Variants in PAX2 observed in about 807,000 individuals in gnomAD.
PAX2 encodes the protein paired box protein Pax-2.
In PAX2, 9 loss-of-function variants were observed where a neutral mutation model predicts 41.7. The ratio of observed to expected loss-of-function variants is 0.22; its 90% CI spans 0.13 to 0.38. PAX2 has a LOEUF of 0.38. Ranked by LOEUF, PAX2 falls within the 10% of genes least tolerant of loss-of-function variation. The pLI, the probability that PAX2 is intolerant of heterozygous loss-of-function variation, is 1.00. For missense variants in PAX2, 418 were observed against 531.6 expected (o/e 0.79, Z 2.10); for synonymous variants, 221 against 212.7 (o/e 1.04, Z -0.34).
chr10:100,745,913 G>T lies in PAX2; in HGVS notation c.-348G>T, dbSNP rs1250900770. ...AGGTTCCAGGGGAGCTGAGCGAGTC[G>T]CCTCCCCCGCCCAGCTTCAGCCCTG... On this transcript the variant is annotated 5_prime_UTR_variant, in exon 1 of 10. Coordinates refer to ENST00000355243, the MANE Select transcript of PAX2 (RefSeq NM_000278.5). 3.4e-6 allele frequency: 4 copies of T among 1,177,468 alleles called. No individual in the cohort carries two copies. Among genetic ancestry groups the T allele is most frequent in the Non-Finnish European group, 4.2e-6 (4 of 951,844 alleles). 72.9% of individuals were successfully genotyped at this position (1,177,468 alleles called of 1,614,324 possible). A position where few individuals can be genotyped will look rare whatever the true frequency, so the allele number is the denominator to read the frequency against.
chr10:100,824,309 C>T lies in PAX2; in HGVS notation c.920-339C>T, dbSNP rs1446353960. On this transcript the variant is annotated intron_variant, in intron 7 of 9. Transcript: ENST00000355243. The surrounding 1 kb of genome is among the most constrained non-coding windows in gnomAD (Gnocchi z 6.6). ...TAAAACCAGGTCATCTCCCTCCCAT[C>T]TCCATCTGGGTTTGGAATGCACAGA... Among the ~76,000 whole-genome samples, 1 of 150,726 alleles carries T rather than the reference C, an allele frequency of 6.6e-6. No individual in the cohort carries two copies. Among genetic ancestry groups the T allele is most frequent in the Non-Finnish European group, 1.5e-5 (1 of 67,710 alleles).
chr10:100,738,108 C>T (rs1028179065), intron 1 of PAX2, among the ~76,000 whole-genome samples: 1 of 152,242 alleles, frequency 6.6e-6, no homozygotes, highest in Non-Finnish European at 1.5e-5. Flanking sequence ...GGTCCCCTGC[C>T]TCTGCCTTCT....
intron 7 of PAX2, among the ~76,000 whole-genome samples, chr10:100,813,965 A>C (rs1848093370): frequency 6.6e-6 from 1 of 152,222 alleles, no homozygotes; most frequent in East Asian, 1.9e-4. Context: ...TAGTAGAAGC[A>C]ATAAACAGAA....
intron 7 of PAX2, among the ~76,000 whole-genome samples, chr10:100,815,060 G>A (rs1038018844): frequency 5.3e-5 from 8 of 152,146 alleles, no homozygotes; most frequent in South Asian, 2.1e-4. Context: ...TCAGCAAAGT[G>A]GCCTTTTAGC....
intron 3 of PAX2, among the ~76,000 whole-genome samples, chr10:100,779,214 C>T (rs1050429117): frequency 6.6e-6 from 1 of 152,238 alleles, no homozygotes; most frequent in African/African-American, 2.4e-5. Context: ...TGGGTCTCTG[C>T]CCTGATCTTT....
At chr10:100,816,480 G>A (rs375867567) in intron 7 of PAX2, among the ~76,000 whole-genome samples, 9 of 152,316 alleles carry the variant, frequency 5.9e-5, no homozygotes, top group African/African-American at 1.9e-4. Context: ...TTGAATGACC[G>A]GAAATCCTAA....
chr10:100,792,129 C>T (rs1278892407), intron 5 of PAX2, among the ~76,000 whole-genome samples: 3 of 152,146 alleles, frequency 2.0e-5, no homozygotes, highest in Non-Finnish European at 4.4e-5. Flanking sequence ...AAATAGAGAC[C>T]GTATTTTTTT....
At chr10:100,741,148 G>T (rs1434448403), upstream of PAX2, among the ~76,000 whole-genome samples, 1 of 152,160 alleles carries the variant, frequency 6.6e-6, no homozygotes, top group South Asian at 2.1e-4. Context: ...GGCCCAGCAC[G>T]TGCGCCTGGA....
At position 100,746,285 on chromosome 10, in the gene PAX2, C is replaced by G. The variant is rs1000608445; in HGVS notation, c.25C>G (p.Pro9Ala). Reference protein sequence around the residue: MDMHCKADPFSAMHPGHGG... With the variant: MDMHCKADAFSAMHPGHGG... ...CATGGATATGCACTGCAAAGCAGACCCCTTCTCCGCGATGCACCGTGAGTA... is the reference window on the plus strand; with the variant it reads ...CATGGATATGCACTGCAAAGCAGACGCCTTCTCCGCGATGCACCGTGAGTA... Residue 9 changes from proline to alanine, a missense_variant, in exon 1 of 10, where the codon CCC (proline) becomes GCC (alanine). Pro to Ala is a conservative substitution (Grantham distance 27). This residue lies in a region of PAX2 where 108 missense variants were observed against 206.3 expected (regional missense o/e 0.52). Coordinates refer to ENST00000355243, the MANE Select transcript of PAX2 (RefSeq NM_000278.5). 3 of 1,611,790 alleles carry G rather than the reference C, an allele frequency of 1.9e-6. No homozygotes were observed. The African/African-American group carries it at 4.0e-5, about 22-fold the overall frequency.
At chr10:100,780,581 A>G (rs1846577858) in intron 4 of PAX2, among the ~76,000 whole-genome samples, 1 of 152,208 alleles carries the variant, frequency 6.6e-6, no homozygotes, top group South Asian at 2.1e-4. Context: ...TGATCACCAT[A>G]GAGCGAATGG....
intron 7 of PAX2, among the ~76,000 whole-genome samples, chr10:100,815,348 T>G (rs973822634): frequency 2.0e-5 from 3 of 152,064 alleles, no homozygotes; most frequent in African/African-American, 7.2e-5. Context: ...ACATCATAGT[T>G]CCTCTCCTTG....
chr10:100,772,206 A>G (rs1358324937), intron 3 of PAX2, among the ~76,000 whole-genome samples: 1 of 152,092 alleles, frequency 6.6e-6, no homozygotes, highest in African/African-American at 2.4e-5. Context: ...TGCAACCTCC[A>G]CCGACTCCAG....
At chr10:100,806,693 A>AATGC in intron 6 of PAX2, 88 bp downstream of exon 6, 2 of 1,088,838 alleles carry the variant, frequency 1.8e-6, no homozygotes, top group Non-Finnish European at 2.8e-6. Flanking sequence ...CACCACATGC[A>AATGC]TAGCCAGCAT....
At chr10:100,756,092 G>T (rs1281600374) in intron 3 of PAX2, among the ~76,000 whole-genome samples, 1 of 152,166 alleles carries the variant, frequency 6.6e-6, no homozygotes, top group African/African-American at 2.4e-5. Flanking sequence ...ATGCATGATG[G>T]CATGTGCTTG....
At chr10:100,776,520 C>A (rs1328596208) in intron 3 of PAX2, among the ~76,000 whole-genome samples, 4 of 152,216 alleles carry the variant, frequency 2.6e-5, no homozygotes, top group Non-Finnish European at 2.9e-5. Flanking sequence ...AGGTCAGTTT[C>A]TTTTCCCAGT....
At chr10:100,813,207 C>A (rs900423256) in intron 7 of PAX2, among the ~76,000 whole-genome samples, 1 of 152,210 alleles carries the variant, frequency 6.6e-6, no homozygotes, top group African/African-American at 2.4e-5. Context: ...GCTTCACTGG[C>A]CTCTAGTGGG....
chr10:100,760,000 G>C (rs190756644), intron 3 of PAX2, among the ~76,000 whole-genome samples: 4 of 152,326 alleles, frequency 2.6e-5, no homozygotes, highest in Non-Finnish European at 5.9e-5. Flanking sequence ...TCAGGAAGGA[G>C]ACACTCATTC....
At chr10:100,781,169 C>G (rs1327087259) in intron 4 of PAX2, 77 bp from the exon 5 acceptor site, 3 of 1,471,100 alleles carry the variant, frequency 2.0e-6, no homozygotes, top group South Asian at 2.3e-5. Context: ...CTCTGCCCCC[C>G]AGCCTTGGGG....
intron 3 of PAX2, among the ~76,000 whole-genome samples, chr10:100,767,745 A>C (rs1383023770): frequency 1.3e-5 from 2 of 152,216 alleles, no homozygotes; most frequent in Non-Finnish European, 1.5e-5. Flanking sequence ...AAAGTCCCAG[A>C]ATTTATGTGA....
Sources: gnomAD v4.1 joint callset for allele counts (sites outside exome capture counted in the v4.1 genomes callset) on GRCh38, gnomAD v4.1.1 for gene constraint, gnomAD v4.1.1 regional missense constraint, Gnocchi (gnomAD v3.1) non-coding constraint, MANE v1.5 for transcripts, NCBI Gene and HGNC (gene_info 2026-07-23, HGNC 2026-07-21) for gene names.